The following DRC11 variants were observed in gnomAD, a reference collection of about 807,000 sequenced individuals.
DRC11 encodes the protein dynein regulatory complex subunit 11.
At chr2:236,473,324 G>A in the DRC11 span, among the ~76,000 whole-genome samples, 1 of 152,194 alleles carries the variant, frequency 6.6e-6, no homozygotes, top group African/African-American at 2.4e-5. This position sits in a 1 kb window ranked among gnomAD's most constrained non-coding sequence, Gnocchi z 4.8. Context: ...ACAGAGTCTC[G>A]GGAGAGGGCC....
the DRC11 span, among the ~76,000 whole-genome samples, chr2:236,446,868 C>T: frequency 6.6e-6 from 1 of 152,010 alleles, no homozygotes; most frequent in Admixed American, 6.5e-5. The surrounding 1 kb of genome is among the most constrained non-coding windows in gnomAD (Gnocchi z 6.2). Context: ...CTGATTCGTC[C>T]ACCTCGGACC....
the DRC11 span, among the ~76,000 whole-genome samples, chr2:236,448,412 C>CT: frequency 6.6e-6 from 1 of 152,284 alleles, no homozygotes; most frequent in East Asian, 1.9e-4. This position sits in a 1 kb window ranked among gnomAD's most constrained non-coding sequence, Gnocchi z 5.3. Flanking sequence ...CTCACTCACT[C>CT]TGTCGCCCGG....
chr2:236,347,680 T>C, the DRC11 span, among the ~76,000 whole-genome samples: 1 of 151,774 alleles, frequency 6.6e-6, no homozygotes, highest in African/African-American at 2.4e-5. Context: ...ATAAGAATGA[T>C]ACAATGGACT....
At chr2:236,353,477 C>T in the DRC11 span, among the ~76,000 whole-genome samples, 1 of 152,098 alleles carries the variant, frequency 6.6e-6, no homozygotes, top group Non-Finnish European at 1.5e-5. This position sits in a 1 kb window ranked among gnomAD's most constrained non-coding sequence, Gnocchi z 5.0. Context: ...CAATTAAAAC[C>T]TGTTTGTGTT....
chr2:236,342,017 T>C, the DRC11 span, among the ~76,000 whole-genome samples: 7 of 152,212 alleles, frequency 4.6e-5, no homozygotes, highest in Non-Finnish European at 1.0e-4. The surrounding 1 kb of genome is among the most constrained non-coding windows in gnomAD (Gnocchi z 5.8). Context: ...TTGGCTTCCA[T>C]GCTCGGGTGG....
chr2:236,405,364 C>T, the DRC11 span, among the ~76,000 whole-genome samples: 308 of 151,738 alleles, frequency 2.0e-3, 1 homozygote, highest in African/African-American at 7.3e-3. This position sits in a 1 kb window ranked among gnomAD's most constrained non-coding sequence, Gnocchi z 4.6. Context: ...ACCAGCATGC[C>T]ATGATCTGTG....
the DRC11 span, among the ~76,000 whole-genome samples, chr2:236,362,146 T>C: frequency 6.6e-6 from 1 of 152,086 alleles, no homozygotes; most frequent in South Asian, 2.1e-4. This position sits in a 1 kb window ranked among gnomAD's most constrained non-coding sequence, Gnocchi z 5.7. Flanking sequence ...AATACAGAAA[T>C]GCATATAGTT....
the DRC11 span, among the ~76,000 whole-genome samples, chr2:236,437,564 TA>T: frequency 2.0e-5 from 3 of 150,804 alleles, no homozygotes; most frequent in Non-Finnish European, 4.5e-5. Context: ...ACCAACAGTG[TA>T]AAAGTGTTCC....
chr2:236,452,939 C>T, the DRC11 span, among the ~76,000 whole-genome samples: 1 of 152,208 alleles, frequency 6.6e-6, no homozygotes, highest in African/African-American at 2.4e-5. The surrounding 1 kb of genome is among the most constrained non-coding windows in gnomAD (Gnocchi z 4.7). Context: ...AAATGGGATG[C>T]ATGCTTTATT....
chr2:236,368,056 CTG>C, the DRC11 span: 20 of 689,220 alleles, frequency 2.9e-5, no homozygotes, highest in African/African-American at 3.5e-5. Flanking sequence ...CAAAATGAAA[CTG>C]TGCCCACTCA....
At chr2:236,355,175 G>A in the DRC11 span, among the ~76,000 whole-genome samples, 5 of 152,188 alleles carry the variant, frequency 3.3e-5, no homozygotes, top group Non-Finnish European at 7.3e-5. Context: ...CTCGTTGGCC[G>A]TACAGACGCC....
chr2:236,487,572 C>G, the DRC11 span, among the ~76,000 whole-genome samples: 243 of 152,226 alleles, frequency 1.6e-3, 1 homozygote, highest in Middle Eastern at 0.017. Context: ...CTTACGGATT[C>G]CTTCTAGAAG....
the DRC11 span, chr2:236,364,084 T>C: frequency 1.4e-3 from 1,289 of 943,366 alleles, 9 homozygotes; most frequent in African/African-American, 0.019. Flanking sequence ...CTCCACTTTC[T>C]GCAACAGTGA....
At chr2:236,375,701 T>C in the DRC11 span, among the ~76,000 whole-genome samples, 1 of 152,088 alleles carries the variant, frequency 6.6e-6, no homozygotes, top group Non-Finnish European at 1.5e-5. The surrounding 1 kb of genome is among the most constrained non-coding windows in gnomAD (Gnocchi z 4.2). Flanking sequence ...CAGACCAAAA[T>C]TGGGTCAATG....
the DRC11 span, chr2:236,364,012 C>T: frequency 6.3e-7 from 1 of 1,579,554 alleles, no homozygotes; most frequent in Non-Finnish European, 8.6e-7. Context: ...TGCTAATGTT[C>T]TGCCAAGAAA....
the DRC11 span, among the ~76,000 whole-genome samples, chr2:236,306,950 C>A: frequency 2.6e-5 from 4 of 151,658 alleles, no homozygotes; most frequent in South Asian, 4.2e-4. The surrounding 1 kb of genome is among the most constrained non-coding windows in gnomAD (Gnocchi z 5.9). Flanking sequence ...AATCCTCTCC[C>A]GTTCTACACC....
the DRC11 span, among the ~76,000 whole-genome samples, chr2:236,310,192 G>C: frequency 0.096 from 12,827 of 133,068 alleles, 1,195 homozygotes; most frequent in East Asian, 0.27. The surrounding 1 kb of genome is among the most constrained non-coding windows in gnomAD (Gnocchi z 5.5). Context: ...TGGTTGACCT[G>C]GGAAAGATCT....
At chr2:236,446,421 G>GGAGT in the DRC11 span, among the ~76,000 whole-genome samples, 1 of 152,196 alleles carries the variant, frequency 6.6e-6, no homozygotes, top group Non-Finnish European at 1.5e-5. The surrounding 1 kb of genome is among the most constrained non-coding windows in gnomAD (Gnocchi z 6.2). Flanking sequence ...GACTTCCCCA[G>GGAGT]GAGTAACTCA....
chr2:236,347,071 G>T, the DRC11 span, among the ~76,000 whole-genome samples: 2 of 152,190 alleles, frequency 1.3e-5, no homozygotes, highest in East Asian at 1.9e-4. Context: ...AGGGACGCAA[G>T]ACCCCAGAAG....
Sources: allele counts gnomAD v4.1 joint callset (sites outside exome capture counted in the v4.1 genomes callset), GRCh38; gene constraint gnomAD v4.1.1; non-coding constraint Gnocchi (gnomAD v3.1); transcripts MANE v1.5; gene names NCBI Gene and HGNC (gene_info 2026-07-23, HGNC 2026-07-21).